The following FOXF1 variants were observed in gnomAD, a reference collection of about 807,000 sequenced individuals.
The protein encoded by FOXF1 is forkhead box F1.
In FOXF1, 9 loss-of-function variants were observed where a neutral mutation model predicts 26.6. That is an observed-to-expected ratio of 0.34 (90% CI 0.20 to 0.59). The LOEUF (loss-of-function observed/expected upper bound fraction) is 0.59, where lower values mean the gene tolerates loss of function less well. Ranked by LOEUF, FOXF1 falls within the 20% of genes least tolerant of loss-of-function variation. The pLI is 0.83. For missense variants in FOXF1, 499 were observed against 549.9 expected (o/e 0.91, Z 0.93); for synonymous variants, 330 against 257.7 (o/e 1.28, Z -2.69).
At position 86,511,054 on chromosome 16, in the gene FOXF1, G is replaced by C; in HGVS notation, c.485G>C (p.Gly162Ala). ...ATGTACAGCATGATGAACGGGCTCG[G>C]CTTCAACCACCTCCCGGACACCTAC... is the stretch of plus-strand genomic sequence containing the variant. ...KPMYSMMNGL[G>A]FNHLPDTYGF... is the part of the protein sequence containing the mutation. The change falls in exon 1 of 2, where the codon GGC (glycine) becomes GCC (alanine). Residue 162 changes from glycine to alanine, a missense_variant. Around this residue, in one of 5 missense-constraint regions of FOXF1, gnomAD observed 367 missense variants for 324.8 expected, o/e 1.13. Coordinates refer to ENST00000262426, the MANE Select transcript of FOXF1 (RefSeq NM_001451.3). 1 of 1,611,118 alleles carries C rather than the reference G, an allele frequency of 6.2e-7. No individual in the cohort carries two copies. The highest frequency in any genetic ancestry group is 8.5e-7 in the Non-Finnish European group (1 of 1,179,956).
At chr16:86,512,869 G>T in intron 1 of FOXF1, 56 bp from the exon 2 acceptor site, 1 of 1,608,176 alleles carries the variant, frequency 6.2e-7, no homozygotes, top group Non-Finnish European at 8.5e-7. Context: ...TGAACTCTGA[G>T]CCACCGTGGC....
chr16:86,511,694 C>A, intron 1 of FOXF1, 146 bp downstream of exon 1: 1 of 1,118,088 alleles, frequency 8.9e-7, no homozygotes, highest in Non-Finnish European at 1.3e-6. Context: ...GTCTCTTGGC[C>A]CCACCTCTCC....
intron 1 of FOXF1, among the ~76,000 whole-genome samples, chr16:86,512,320 C>T (rs1439246993): frequency 6.6e-6 from 1 of 152,206 alleles, no homozygotes; most frequent in East Asian, 1.9e-4. Context: ...AGCCTGCAGG[C>T]CCAGCTCTGG....
chr16:86,513,031 C>T lies in FOXF1; in HGVS notation c.1086C>T (p.Gly362=). 6 of 1,613,696 alleles carry T rather than the reference C, an allele frequency of 3.7e-6. No individual in the cohort carries two copies. The highest frequency in any genetic ancestry group is 5.1e-6 in the Non-Finnish European group (6 of 1,180,026). The part of the protein sequence containing the change: ...ASSSMHSAGG[G]SYYHQQVTYQ... ...CTTCCATGCACTCGGCCGGCGGGGG[C>T]TCCTACTACCACCAGCAGGTCACCT... The change falls in exon 2 of 2, where the codon GGC becomes GGT. Residue 362 remains glycine, a synonymous_variant. Transcript: ENST00000262426.
rs1477965808 is a variant in FOXF1 at position 86,511,113 on chromosome 16, C to G, written c.544C>G (p.Pro182Ala). The G allele has an allele frequency of 6.2e-7, 1 of 1,605,638 alleles. No homozygotes were observed. The highest frequency in any genetic ancestry group is 1.7e-5 in the Admixed American group (1 of 60,000). The change falls in exon 1 of 2, where the codon CCG (proline) becomes GCG (alanine). Residue 182 changes from proline (P) to alanine (A), a missense_variant. By Grantham distance (27) the Pro-to-Ala change is conservative. Around this residue, in one of 5 missense-constraint regions of FOXF1, gnomAD observed 367 missense variants for 324.8 expected, o/e 1.13. Coordinates refer to ENST00000262426, the MANE Select transcript of FOXF1 (RefSeq NM_001451.3). Reference sequence around the variant, plus strand: ...GGGCTCGGCCGGCGGCCTCTCGTGCCCGCCCAACAGCCTGGCGCTGGAGGG... The same window carrying G: ...GGGCTCGGCCGGCGGCCTCTCGTGCGCGCCCAACAGCCTGGCGCTGGAGGG... The part of the protein sequence containing the change: ...FQGSAGGLSC[P>A]PNSLALEGGL...
rs376630015 is a variant in FOXF1, at chr16:86,514,700, CT to C, written c.*1616del. 26 of 152,228 alleles carry C rather than the reference CT, an allele frequency of 1.7e-4. No homozygotes were observed. Among genetic ancestry groups the C allele is most frequent in the African/African-American group, 6.3e-4 (26 of 41,526 alleles). 9.4% of individuals were successfully genotyped at this position (152,228 alleles called of 1,614,324 possible). On this transcript the variant is annotated 3_prime_UTR_variant, in exon 2 of 2. Transcript: ENST00000262426. ...GTTTTTTAAGAAGAGCCCTTTGCCC[CT>C]CTAAATGTCATTGATCGTTTTAAAG... is the stretch of plus-strand genomic sequence containing the variant.
At position 86,511,087 on chromosome 16, in the gene FOXF1, A is replaced by C; in HGVS notation, c.518A>C (p.Gln173Pro). ...FNHLPDTYGF[Q>P]GSAGGLSCPP... ...CACCTCCCGGACACCTACGGCTTCC[A>C]GGGCTCGGCCGGCGGCCTCTCGTGC... Residue 173 changes from glutamine (Q) to proline (P), a missense_variant, in exon 1 of 2, where the codon CAG (glutamine) becomes CCG (proline). Transcript: ENST00000262426. 1.9e-6 allele frequency: 3 copies of C among 1,608,826 alleles called. No individual in the cohort carries two copies. Among genetic ancestry groups the C allele is most frequent in the South Asian group, 2.2e-5 (2 of 91,090 alleles).
intron 1 of FOXF1, 73 bp from the exon 2 acceptor site, chr16:86,512,852 C>T (rs1214950272): frequency 1.9e-6 from 3 of 1,583,106 alleles, no homozygotes; most frequent in Non-Finnish European, 2.6e-6. Flanking sequence ...AGCACTGCTC[C>T]TCTGCCTGAA....
intron 1 of FOXF1, 77 bp from the exon 2 acceptor site, chr16:86,512,848 G>A: frequency 6.4e-7 from 1 of 1,571,830 alleles, no homozygotes; most frequent in Non-Finnish European, 8.7e-7. Context: ...CGGGAGCACT[G>A]CTCCTCTGCC....
rs61740819 is a variant in FOXF1 at position 86,511,214 on chromosome 16, C to T, written c.645C>T (p.His215=). Residue 215 remains histidine (H), a synonymous_variant, in exon 1 of 2, where the codon CAC becomes CAT. Transcript: ENST00000262426. ...CCCTGCCCAGCCACTCGGTGCCCCA[C>T]CTGCCTTCCAACGGCGGCCACTCGT... ...GMALPSHSVP[H]LPSNGGHSYM... is the part of the protein sequence containing the mutation. 6,269 of 1,543,966 alleles carry T rather than the reference C, an allele frequency of 4.1e-3. 236 individuals are homozygous for T. In the African/African-American group the frequency reaches 0.076, roughly 19 times the overall value.
At chr16:86,512,280 C>G (rs902910257) in intron 1 of FOXF1, among the ~76,000 whole-genome samples, 1 of 152,184 alleles carries the variant, frequency 6.6e-6, no homozygotes, top group African/African-American at 2.4e-5. Context: ...GCAGCAGCCT[C>G]GCCTCCTGAT....
intron 1 of FOXF1, 137 bp from the exon 2 acceptor site, chr16:86,512,788 G>A (rs1055668874): frequency 2.9e-5 from 28 of 959,774 alleles, no homozygotes; most frequent in South Asian, 4.1e-5. Context: ...GGAGGAGAGC[G>A]GGGAGGCGGC....
In FOXF1 at chr16:86,510,680, G is replaced by C. The variant is rs975882773; in HGVS notation, c.111G>C (p.Lys37Asn). 2 of 1,612,212 alleles carry C rather than the reference G, an allele frequency of 1.2e-6. No individual in the cohort carries two copies. Among genetic ancestry groups the C allele is most frequent in the Non-Finnish European group, 1.7e-6 (2 of 1,179,794 alleles). ...CGTCGTCCGGCCCGTCCAAGGCCAA[G>C]AAGACCAACGCCGGCATCCGGCGCC... The part of the protein sequence containing the change: ...DPASSGPSKA[K>N]KTNAGIRRPE... The change falls in exon 1 of 2, where the codon AAG (lysine) becomes AAC (asparagine). Residue 37 changes from lysine to asparagine, a missense_variant. Around this residue, in one of 5 missense-constraint regions of FOXF1, gnomAD observed 76 missense variants for 78.9 expected, o/e 0.96. Transcript: ENST00000262426.
In FOXF1 at chr16:86,510,974, C is replaced by T. The variant is rs373807330; in HGVS notation, c.405C>T (p.Gly135=). The T allele has an allele frequency of 4.3e-6, 7 of 1,613,474 alleles. No homozygotes were observed. The highest frequency in any genetic ancestry group is 3.3e-5 in the Admixed American group (2 of 60,008). ...CCAGCGAGTTCATGTTCGAGGAGGG[C>T]TCCTTTCGGCGGCGGCCGCGCGGCT... ...DPASEFMFEE[G]SFRRRPRGFR... Residue 135 remains glycine, a synonymous_variant, in exon 1 of 2, where the codon GGC becomes GGT. Coordinates refer to ENST00000262426, the MANE Select transcript of FOXF1 (RefSeq NM_001451.3).
At position 86,511,271 on chromosome 16, in the gene FOXF1, C is replaced by G; in HGVS notation, c.702C>G (p.Gly234=). The G allele has an allele frequency of 6.6e-7, 1 of 1,520,836 alleles. No individual in the cohort carries two copies. The highest frequency in any genetic ancestry group is 8.8e-7 in the Non-Finnish European group (1 of 1,140,914). The allele number at this position is 1,520,836 out of a possible 1,614,324, so 94.2% of individuals were successfully genotyped here. The stretch of plus-strand genomic sequence containing the variant: ...GCGGCTGCGGCGGCGCGGCGGCCGG[C>G]GAGTACCCGCACCACGACAGCTCGG... ...YMGGCGGAAA[G]EYPHHDSSVP... The change falls in exon 1 of 2, where the codon GGC becomes GGG. Residue 234 remains glycine (G), a synonymous_variant. Transcript: ENST00000262426.
In FOXF1 at chr16:86,514,820, T is replaced by C. The variant is rs1969622646; in HGVS notation, c.*1735T>C. 6.6e-6 allele frequency: 1 copy of C among 151,380 alleles called. No homozygotes were observed. Among genetic ancestry groups the C allele is most frequent in the Non-Finnish European group, 1.5e-5 (1 of 67,634 alleles). The allele number at this position is 151,380 out of a possible 1,614,324, so 9.4% of individuals were successfully genotyped here. On this transcript the variant is annotated 3_prime_UTR_variant, in exon 2 of 2. Coordinates refer to ENST00000262426, the MANE Select transcript of FOXF1 (RefSeq NM_001451.3). Reference sequence around the variant, plus strand: ...ACATACATATGGATATACATATATATGTATATACATATATGTACATATATG... The same window carrying C: ...ACATACATATGGATATACATATATACGTATATACATATATGTACATATATG...
At chr16:86,511,594 C>CT in intron 1 of FOXF1, 46 bp downstream of exon 1, 1 of 1,547,200 alleles carries the variant, frequency 6.5e-7, no homozygotes, top group Non-Finnish European at 8.7e-7. Context: ...GAAGTCGAGT[C>CT]TGAGTGGCAG....
Position 86,511,227 on chromosome 16 carries a change from G to A in FOXF1, c.658G>A (p.Gly220Ser), listed in dbSNP as rs752504125. 4.6e-6 allele frequency: 7 copies of A among 1,534,572 alleles called. No individual in the cohort carries two copies. The highest frequency in any genetic ancestry group is 2.0e-5 in the Admixed American group (1 of 51,094). ...SHSVPHLPSNGGHSYMGGCGG... is the reference protein window; with the variant it reads ...SHSVPHLPSNSGHSYMGGCGG... ...CTCGGTGCCCCACCTGCCTTCCAAC[G>A]GCGGCCACTCGTACATGGGCGGCTG... Residue 220 changes from glycine (G) to serine (S), a missense_variant, in exon 1 of 2, where the codon GGC (glycine) becomes AGC (serine). Physicochemically the swap from Gly to Ser is moderately conservative, Grantham distance 56 (BLOSUM62 0). This residue lies in a region of FOXF1 where 367 missense variants were observed against 324.8 expected (regional missense o/e 1.13). Transcript: ENST00000262426.
Position 86,511,175 on chromosome 16 carries a change from C to G in FOXF1, c.606C>G (p.Asn202Lys). The change falls in exon 1 of 2, where the codon AAC becomes AAG. Residue 202 changes from asparagine (N) to lysine (K), a missense_variant. Asn to Lys is a moderately conservative substitution (Grantham distance 94). Around this residue, in one of 5 missense-constraint regions of FOXF1, gnomAD observed 367 missense variants for 324.8 expected, o/e 1.13. Transcript: ENST00000262426. ...LGMMNGHLPG[N>K]VDGMALPSHS... ...TGATGAACGGCCACTTGCCGGGCAACGTGGACGGCATGGCCCTGCCCAGCC... is the reference window on the plus strand; with the variant it reads ...TGATGAACGGCCACTTGCCGGGCAAGGTGGACGGCATGGCCCTGCCCAGCC... 6.3e-7 allele frequency: 1 copy of G among 1,580,810 alleles called. No homozygotes were observed. The highest frequency in any genetic ancestry group is 8.5e-7 in the Non-Finnish European group (1 of 1,171,410).
Sources: gnomAD v4.1 joint callset for allele counts (sites outside exome capture counted in the v4.1 genomes callset) on GRCh38, gnomAD v4.1.1 for gene constraint, gnomAD v4.1.1 regional missense constraint, MANE v1.5 for transcripts, NCBI Gene and HGNC (gene_info 2026-07-23, HGNC 2026-07-21) for gene names.